COL4A2: variants seen among roughly 807,000 people sequenced by gnomAD.
COL4A2 encodes the protein collagen alpha-2(IV) chain.
Under a neutral mutation model 200.2 loss-of-function variants are expected in COL4A2, and 99 were observed. That is an observed-to-expected ratio of 0.49 (90% confidence interval 0.42 to 0.58). The LOEUF is 0.58. COL4A2 is among the 20% of genes least tolerant of loss of function. The probability of loss-of-function intolerance (pLI) is 0.00; values close to 1 mark genes in which losing one functional copy is unlikely to be tolerated. For synonymous variants in COL4A2, 897 were observed against 900.6 expected, an observed-to-expected ratio of 1.00 and a Z score of 0.07; for missense variants, 1,950 against 2,314.1, an observed-to-expected ratio of 0.84 and a Z score of 3.23.
chr13:110,480,232 A>G lies in COL4A2; in HGVS notation c.2600A>G (p.Asp867Gly). 1 of 1,604,270 alleles carries G rather than the reference A, an allele frequency of 6.2e-7. No individual in the cohort carries two copies. The change falls in exon 31 of 48, where the codon GAT becomes GGT. Residue 867 changes from aspartate to glycine, a missense_variant. This residue lies in a region of COL4A2 where 1,385 missense variants were observed against 1,720.5 expected (regional missense o/e 0.80). Transcript: ENST00000360467. ...GIPGREGLPG[D>G]RGDPGDTGAP... ...CTCTTCCTGACAGGTCTGCCTGGTG[A>G]TAGAGGGGACCCTGGGGACACAGGC...
chr13:110,476,227 G>A (rs1555331666), intron 29 of COL4A2, among the ~76,000 whole-genome samples: 3 of 152,134 alleles, frequency 2.0e-5, no homozygotes, highest in South Asian at 2.1e-4. Flanking sequence ...CCATCGCTGC[G>A]AATCCTTTAC....
At chr13:110,311,969 G>A (rs1243757223) in intron 3 of COL4A2, among the ~76,000 whole-genome samples, 3 of 152,252 alleles carry the variant, frequency 2.0e-5, no homozygotes, top group African/African-American at 7.2e-5. Flanking sequence ...GCCGGCAGCT[G>A]CGGTGGCAAG....
At chr13:110,419,611 T>C (rs2139448458) in intron 4 of COL4A2, among the ~76,000 whole-genome samples, 1 of 152,324 alleles carries the variant, frequency 6.6e-6, no homozygotes, top group Non-Finnish European at 1.5e-5. Flanking sequence ...GTCGGGACCC[T>C]GAGCGCATTC....
At chr13:110,320,594 T>C (rs1169483784) in intron 3 of COL4A2, among the ~76,000 whole-genome samples, 5 of 152,218 alleles carry the variant, frequency 3.3e-5, no homozygotes, top group Non-Finnish European at 5.9e-5. Flanking sequence ...CACCGATAGA[T>C]ATTTCAAATA....
At chr13:110,386,467 T>C (rs1594184658) in intron 4 of COL4A2, among the ~76,000 whole-genome samples, 1 of 152,186 alleles carries the variant, frequency 6.6e-6, no homozygotes, top group African/African-American at 2.4e-5. Context: ...TTTCTAGCCA[T>C]GCAATTGGGT....
intron 4 of COL4A2, among the ~76,000 whole-genome samples, chr13:110,415,274 G>T (rs1393482250): frequency 6.6e-6 from 1 of 152,148 alleles, no homozygotes; most frequent in South Asian, 2.1e-4. Context: ...GAATTTTATT[G>T]TATGTAAATT....
At chr13:110,445,916 G>T (rs778440449) in intron 17 of COL4A2, 34 bp downstream of exon 17, 5 of 1,613,178 alleles carry the variant, frequency 3.1e-6, no homozygotes, top group Admixed American at 3.3e-5. Flanking sequence ...GCCACTTATG[G>T]TGTCTCGCCC....
chr13:110,381,369 A>T (rs1878486058), intron 4 of COL4A2, among the ~76,000 whole-genome samples: 1 of 152,260 alleles, frequency 6.6e-6, no homozygotes, highest in African/African-American at 2.4e-5. Flanking sequence ...TTTCCTTGAC[A>T]TCCGCCTGCT....
chr13:110,413,504 G>A (rs1343622217), intron 4 of COL4A2, among the ~76,000 whole-genome samples: 1 of 152,210 alleles, frequency 6.6e-6, no homozygotes, highest in East Asian at 1.9e-4. Flanking sequence ...ACATCCTCTA[G>A]TGACCCTGAG....
chr13:110,313,545 C>CCCCTCCCCT (rs1885048386), intron 3 of COL4A2, among the ~76,000 whole-genome samples: 1 of 110,854 alleles, frequency 9.0e-6, no homozygotes, highest in African/African-American at 3.4e-5. Flanking sequence ...CGGTGCCCCG[C>CCCCTCCCCT]GTCCACCCGG....
chr13:110,484,277 A>G (rs1395103229), intron 32 of COL4A2, among the ~76,000 whole-genome samples: 1 of 152,162 alleles, frequency 6.6e-6, no homozygotes, highest in Non-Finnish European at 1.5e-5. Flanking sequence ...AGTACTGAAT[A>G]CACAGTAAAT....
chr13:110,400,617 A>AT (rs1242042410), intron 4 of COL4A2, among the ~76,000 whole-genome samples: 1 of 152,254 alleles, frequency 6.6e-6, no homozygotes, highest in Non-Finnish European at 1.5e-5. Context: ...TAATTACATC[A>AT]TTTTCCAAAA....
chr13:110,501,846 G>A (rs1883656112), intron 41 of COL4A2, 62 bp downstream of exon 41: 17 of 1,483,872 alleles, frequency 1.1e-5, no homozygotes, highest in South Asian at 7.0e-5. Flanking sequence ...GCAATGGCCC[G>A]CTTAATGTAG....
chr13:110,428,657 G>A, intron 7 of COL4A2, 74 bp downstream of exon 7: 1 of 823,942 alleles, frequency 1.2e-6, no homozygotes, highest in Non-Finnish European at 1.8e-6. Flanking sequence ...TAACCTGGGG[G>A]AGCCTCCCGC....
chr13:110,508,441 T>A lies in COL4A2; in HGVS notation c.4881+220T>A. The A allele has an allele frequency of 1.4e-6, 1 of 718,282 alleles. No homozygotes were observed. Among genetic ancestry groups the A allele is most frequent in the Non-Finnish European group, 2.2e-6 (1 of 446,772 alleles). The allele number at this position is 718,282 out of a possible 1,614,324, so 44.5% of individuals were successfully genotyped here. A position where few individuals can be genotyped will look rare whatever the true frequency, so the allele number is the denominator to read the frequency against. ...CTTCCTCCACCCAGAAAGGGCTCAT[T>A]AATTTGCCACCAGGCCTTTGTAAGG... On this transcript the variant is annotated intron_variant, in intron 47 of 47. Coordinates refer to ENST00000360467, the MANE Select transcript of COL4A2 (RefSeq NM_001846.4). This position sits in a 1 kb window ranked among gnomAD's most constrained non-coding sequence, Gnocchi z 6.1.
At chr13:110,432,406 G>A (rs1377209690) in intron 11 of COL4A2, 46 bp downstream of exon 11, 1 of 1,560,426 alleles carries the variant, frequency 6.4e-7, no homozygotes, top group South Asian at 1.2e-5. Context: ...GGGTACTTAG[G>A]TGTTTGTGGG....
chr13:110,357,928 G>A (rs1431550948), intron 4 of COL4A2, among the ~76,000 whole-genome samples: 1 of 152,228 alleles, frequency 6.6e-6, no homozygotes, highest in Non-Finnish European at 1.5e-5. Flanking sequence ...TGCGGGGTGC[G>A]TGGATGTGAA....
At chr13:110,353,623 G>A (rs1877057124) in intron 3 of COL4A2, among the ~76,000 whole-genome samples, 1 of 152,226 alleles carries the variant, frequency 6.6e-6, no homozygotes, top group Non-Finnish European at 1.5e-5. Flanking sequence ...TTAAGAGACT[G>A]TCTGAAGCAC....
intron 4 of COL4A2, among the ~76,000 whole-genome samples, chr13:110,365,617 CT>C (rs1346602131): frequency 6.6e-6 from 1 of 152,142 alleles, no homozygotes; most frequent in Non-Finnish European, 1.5e-5. Flanking sequence ...TTGCACACCC[CT>C]CCCCCTACCC....
Sources: allele counts gnomAD v4.1 joint callset (sites outside exome capture counted in the v4.1 genomes callset), GRCh38; gene constraint gnomAD v4.1.1; regional missense constraint gnomAD v4.1.1; non-coding constraint Gnocchi (gnomAD v3.1); transcripts MANE v1.5; gene names NCBI Gene and HGNC (gene_info 2026-07-23, HGNC 2026-07-21).